SESN1: variants seen among roughly 807,000 people sequenced by gnomAD.
The protein encoded by SESN1 is sestrin-1.
In SESN1, 30 loss-of-function variants were observed where a neutral mutation model predicts 59.3. The observed-to-expected ratio is 0.51, with a 90% CI of 0.38 to 0.69. The LOEUF (loss-of-function observed/expected upper bound fraction) is 0.69. Among genes scored for constraint, SESN1 ranks in the 30% least tolerant of loss-of-function variants. The pLI is 0.00. For missense variants in SESN1, 566 were observed against 673.0 expected, an observed-to-expected ratio of 0.84 and a Z score of 1.76; for synonymous variants, 197 against 219.9, an observed-to-expected ratio of 0.90 and a Z score of 0.92.
Position 109,094,644 on chromosome 6 carries a change from T to C in SESN1, c.-571A>G, listed in dbSNP as rs1477228502. 6.6e-6 allele frequency: 1 copy of C among 152,032 alleles called. No homozygotes were observed. The allele number at this position is 152,032 out of a possible 1,614,324, so 9.4% of individuals were successfully genotyped here. ...CCCACTGGCCGCAGCGGCCGGAGGC[T>C]TGGGCGCTGTCGGAGGGCGGCAGTC... On this transcript the variant is annotated 5_prime_UTR_variant, in exon 1 of 10. Coordinates refer to ENST00000436639, the MANE Select transcript of SESN1 (RefSeq NM_014454.3).
chr6:109,080,803 A>G (rs1483926632), intron 1 of SESN1, among the ~76,000 whole-genome samples: 2 of 152,098 alleles, frequency 1.3e-5, no homozygotes, highest in African/African-American at 4.8e-5. Context: ...AAAATCCCAA[A>G]TCCCAAATGC....
intron 1 of SESN1, among the ~76,000 whole-genome samples, chr6:109,011,792 C>A (rs113751987): frequency 2.6e-3 from 402 of 152,048 alleles, no homozygotes; most frequent in African/African-American, 9.4e-3. Flanking sequence ...CCACACCCGG[C>A]TACTTTTTAA....
intron 1 of SESN1, among the ~76,000 whole-genome samples, chr6:109,044,200 A>AGCTACTT (rs1047729566): frequency 5.3e-5 from 8 of 151,652 alleles, no homozygotes; most frequent in African/African-American, 1.9e-4. Flanking sequence ...CGGTGATCCC[A>AGCTACTT]GCTACTTGGG....
chr6:109,059,930 G>C (rs1439550757), intron 1 of SESN1, among the ~76,000 whole-genome samples: 1 of 152,138 alleles, frequency 6.6e-6, no homozygotes, highest in Admixed American at 6.6e-5. Flanking sequence ...AACTCCACCA[G>C]AGGCAAAACA....
At chr6:109,055,368 TAAAC>T (rs1321465628) in intron 1 of SESN1, among the ~76,000 whole-genome samples, 9 of 152,092 alleles carry the variant, frequency 5.9e-5, no homozygotes, top group Non-Finnish European at 1.0e-4. Context: ...GAATATATAA[TAAAC>T]AGAATGGTGG....
At position 109,008,735 on chromosome 6, in the gene SESN1, G is replaced by A. The variant is rs1583270020; in HGVS notation, c.280-6392C>T. On this transcript the variant is annotated intron_variant, in intron 1 of 9. Transcript: ENST00000436639. ...AACCACTTAGAAAAAAACACAAAAT[G>A]TTACAATTAAGTACCTCTTTCTAAA... 4.1e-6 allele frequency: 4 copies of A among 974,602 alleles called. No homozygotes were observed. The African/African-American group carries it at 5.3e-5, about 13-fold the overall frequency. 60.4% of individuals were successfully genotyped at this position (974,602 alleles called of 1,614,324 possible). A position where few individuals can be genotyped will look rare whatever the true frequency, so the allele number is the denominator to read the frequency against.
Position 109,002,340 on chromosome 6 carries a change from G to A in SESN1, c.283C>T (p.Leu95Phe), listed in dbSNP as rs1171482262. ...AGTGGTCGAGGAATTCTAATGCCAA[G>A]TTCCTAGAAAAGAAAATTACACCAT... is the stretch of plus-strand genomic sequence containing the variant. The part of the protein sequence containing the change: ...SEFILKSIQE[L>F]GIRIPRPLGQ... Residue 95 changes from leucine (L) to phenylalanine (F), a missense_variant, in exon 2 of 10, where the codon CTT becomes TTT. Physicochemically the swap from Leu to Phe is conservative, Grantham distance 22. Transcript: ENST00000436639. 1 of 1,612,900 alleles carries A rather than the reference G, an allele frequency of 6.2e-7. No homozygotes were observed.
intron 1 of SESN1, among the ~76,000 whole-genome samples, chr6:109,014,545 C>T (rs2114356004): frequency 6.6e-6 from 1 of 152,278 alleles, no homozygotes; most frequent in African/African-American, 2.4e-5. Flanking sequence ...CACCTAAGTT[C>T]TTGATTCTGG....
intron 1 of SESN1, among the ~76,000 whole-genome samples, chr6:109,058,270 G>T (rs1780670128): frequency 6.6e-6 from 1 of 152,096 alleles, no homozygotes; most frequent in African/African-American, 2.4e-5. Context: ...TTTTTGTAGA[G>T]ATGGGGTTTT....
intron 1 of SESN1, among the ~76,000 whole-genome samples, chr6:109,081,996 C>G (rs1171577496): frequency 6.6e-6 from 1 of 152,162 alleles, no homozygotes; most frequent in Non-Finnish European, 1.5e-5. Context: ...CAACCAGGAG[C>G]AGAGTATTCG....
Position 109,049,121 on chromosome 6 carries a change from A to G in SESN1, c.279+44674T>C, listed in dbSNP as rs563225491. On this transcript the variant is annotated intron_variant, in intron 1 of 9. Coordinates refer to ENST00000436639, the MANE Select transcript of SESN1 (RefSeq NM_014454.3). ...GAACATCTTGGCACATAAAAGTAGG[A>G]AAAGTTGGTATCAAAAAAAAGAGGA... 2.0e-4 allele frequency among the ~76,000 whole-genome samples: 30 copies of G among 152,332 alleles called. No individual in the cohort carries two copies. The South Asian group carries it at 6.2e-3, about 32-fold the overall frequency.
intron 1 of SESN1, chr6:109,088,098 AG>A (rs1015562223): frequency 6.6e-6 from 1 of 152,174 alleles, no homozygotes; most frequent in Non-Finnish European, 1.5e-5. Context: ...ACTGAGAGGA[AG>A]TCTGCTAGAG....
At chr6:109,088,184 C>T (rs1166236554) in intron 1 of SESN1, 1 of 151,788 alleles carries the variant, frequency 6.6e-6, no homozygotes, top group Non-Finnish European at 1.5e-5. Context: ...TGCAGATAGT[C>T]ATGTCTGCAC....
At chr6:109,053,468 T>G (rs1053274807) in intron 1 of SESN1, among the ~76,000 whole-genome samples, 2 of 152,100 alleles carry the variant, frequency 1.3e-5, no homozygotes, top group African/African-American at 4.8e-5. Flanking sequence ...GAGAGAACAT[T>G]CCATGCAGAC....
chr6:109,073,559 C>G (rs1236789465), intron 1 of SESN1, among the ~76,000 whole-genome samples: 1 of 152,160 alleles, frequency 6.6e-6, no homozygotes, highest in Non-Finnish European at 1.5e-5. Flanking sequence ...GCAAGAGTGC[C>G]ATCTAGCGCT....
chr6:108,992,577 C>T (rs549504576), intron 7 of SESN1, among the ~76,000 whole-genome samples: 1 of 152,270 alleles, frequency 6.6e-6, no homozygotes, highest in South Asian at 2.1e-4. Flanking sequence ...AATATTTACA[C>T]AATAAAATTT....
chr6:109,034,432 A>C (rs1461226212), intron 1 of SESN1, among the ~76,000 whole-genome samples: 1 of 152,202 alleles, frequency 6.6e-6, no homozygotes, highest in Non-Finnish European at 1.5e-5. Context: ...ATTGAATATT[A>C]TCTCTTATTT....
chr6:108,985,074 A>C lies in SESN1; in HGVS notation c.*2470T>G, dbSNP rs1462931402. Among the ~76,000 whole-genome samples the C allele has an allele frequency of 6.6e-6, 1 of 152,194 alleles. No individual in the cohort carries two copies. Among genetic ancestry groups the C allele is most frequent in the Non-Finnish European group, 1.5e-5 (1 of 68,036 alleles). On this transcript the variant is annotated 3_prime_UTR_variant, in exon 10 of 10. Transcript: ENST00000436639. Reference sequence around the variant, plus strand: ...ATGATGATTCATATATGATATTCACATATACAAATATGCTAGTAACATTTC... The same window carrying C: ...ATGATGATTCATATATGATATTCACCTATACAAATATGCTAGTAACATTTC...
In SESN1 at chr6:108,997,352, T is replaced by C. The variant is rs9374062; in HGVS notation, c.972+1161A>G. On this transcript the variant is annotated intron_variant, in intron 5 of 9. Transcript: ENST00000436639. ...CTAGCATTCTAGCAACTGAATACTC[T>C]CTTGGATCCTCTTCTGACTGCCAAG... Among the ~76,000 whole-genome samples the C allele has an allele frequency of 3.7e-4, 56 of 152,306 alleles. 1 individual carries two copies. The East Asian group carries it at 0.011, about 29-fold the overall frequency.
Sources: gnomAD v4.1 joint callset for allele counts (sites outside exome capture counted in the v4.1 genomes callset) on GRCh38, gnomAD v4.1.1 for gene constraint, MANE v1.5 for transcripts, NCBI Gene and HGNC (gene_info 2026-07-23, HGNC 2026-07-21) for gene names.